Variants in PGBD2 observed in about 807,000 individuals in gnomAD.
PGBD2 encodes the protein piggyBac transposable element derived 2, also known as piggyBac transposable element-derived protein 2.
PGBD2 carries 6 observed loss-of-function variants against 8.1 expected under a neutral mutation model. That is an observed-to-expected ratio of 0.74 (90% CI 0.40 to 1.46). The LOEUF (loss-of-function observed/expected upper bound fraction) is 1.46. Among genes scored for constraint, PGBD2 ranks in the 40% most tolerant of loss-of-function variants. The pLI is 0.02. For synonymous variants in PGBD2, 318 were observed against 272.2 expected (o/e 1.17, Z -1.66); for missense variants, 802 against 739.0 (o/e 1.09, Z -0.99).
chr1:248,918,404 A>G lies in PGBD2; in HGVS notation c.*41A>G. ...TTCTTTGGTTTATAATGAGATGTTTACAGTTAAATACAGATGGCAGTTGAG... is the reference window on the plus strand; with the variant it reads ...TTCTTTGGTTTATAATGAGATGTTTGCAGTTAAATACAGATGGCAGTTGAG... On this transcript the variant is annotated 3_prime_UTR_variant, in exon 3 of 3. Coordinates refer to ENST00000329291, the MANE Select transcript of PGBD2 (RefSeq NM_170725.3). The G allele has an allele frequency of 6.7e-7, 1 of 1,500,528 alleles. No homozygotes were observed. The highest frequency in any genetic ancestry group is 8.9e-7 in the Non-Finnish European group (1 of 1,121,314). The allele number at this position is 1,500,528 out of a possible 1,614,324, so 93.0% of individuals were successfully genotyped here. A position where few individuals can be genotyped will look rare whatever the true frequency, so the allele number is the denominator to read the frequency against.
intron 2 of PGBD2, among the ~76,000 whole-genome samples, chr1:248,914,798 C>G (rs540458660): frequency 1.3e-5 from 2 of 152,218 alleles, no homozygotes; most frequent in Non-Finnish European, 2.9e-5. Flanking sequence ...GGCAGCTGAA[C>G]ACTGGAAGTC....
the PGBD2 span, among the ~76,000 whole-genome samples, chr1:248,900,839 A>T: frequency 6.6e-6 from 1 of 152,038 alleles, no homozygotes; most frequent in Admixed American, 6.6e-5. Flanking sequence ...TATCTAGAAA[A>T]CCCCATTGGG....
At chr1:248,911,290 G>A (rs527670363) in intron 1 of PGBD2, among the ~76,000 whole-genome samples, 1 of 151,222 alleles carries the variant, frequency 6.6e-6, no homozygotes, top group South Asian at 2.1e-4. Context: ...GTGTCCCTGG[G>A]TACTTGAGAT....
At chr1:248,926,618 A>G in the PGBD2 span, among the ~76,000 whole-genome samples, 2 of 152,196 alleles carry the variant, frequency 1.3e-5, no homozygotes, top group Non-Finnish European at 2.9e-5. Context: ...TTTGTTTGTT[A>G]TTACTCACTA....
At chr1:248,882,843 C>T in the PGBD2 span, among the ~76,000 whole-genome samples, 1 of 152,170 alleles carries the variant, frequency 6.6e-6, no homozygotes, top group Non-Finnish European at 1.5e-5. Flanking sequence ...TTACACAATC[C>T]TGCATGCAAT....
rs186767073 is a variant in PGBD2, at chr1:248,914,115, A to G, written c.17+236A>G. Among the ~76,000 whole-genome samples the G allele has an allele frequency of 6.6e-5, 10 of 152,334 alleles. No individual in the cohort carries two copies. In the East Asian group the frequency reaches 9.6e-4, roughly 15 times the overall value. ...TAATGTTTACACTCGATAGAAAACC[A>G]TGACTTCACTTTCCTCATCTTTCAA... On this transcript the variant is annotated intron_variant, in intron 2 of 2. Coordinates refer to ENST00000329291, the MANE Select transcript of PGBD2 (RefSeq NM_170725.3).
chr1:248,903,803 T>A (rs541062787), upstream of PGBD2, among the ~76,000 whole-genome samples: 2 of 152,316 alleles, frequency 1.3e-5, no homozygotes, highest in African/African-American at 4.8e-5. Context: ...TTCATGTATG[T>A]GACATTCTTA....
chr1:248,914,649 C>T (rs991354234), intron 2 of PGBD2: 85 of 1,242,706 alleles, frequency 6.8e-5, no homozygotes, highest in Non-Finnish European at 7.9e-5. Flanking sequence ...TGCAAAGGGG[C>T]ACAGGGAAGC....
intron 1 of PGBD2, among the ~76,000 whole-genome samples, chr1:248,909,163 C>T (rs1661772941): frequency 6.6e-6 from 1 of 152,078 alleles, no homozygotes; most frequent in African/African-American, 2.4e-5. Context: ...TTACCCATGT[C>T]CTCTTCCTCT....
At chr1:248,892,940 T>C in the PGBD2 span, among the ~76,000 whole-genome samples, 1 of 152,214 alleles carries the variant, frequency 6.6e-6, no homozygotes, top group Non-Finnish European at 1.5e-5. Flanking sequence ...TCTATATGCA[T>C]TGTCATACGT....
chr1:248,907,341 T>C (rs1403509048), intron 1 of PGBD2, among the ~76,000 whole-genome samples: 1 of 152,246 alleles, frequency 6.6e-6, no homozygotes, highest in South Asian at 2.1e-4. Flanking sequence ...GTTTTTCTCC[T>C]ATCTCAGAAT....
At chr1:248,876,030 C>T in the PGBD2 span, among the ~76,000 whole-genome samples, 5,175 of 146,892 alleles carry the variant, frequency 0.035, 291 homozygotes, top group African/African-American at 0.12. Flanking sequence ...TTCTTTGAGA[C>T]GGAGTTTTAC....
downstream of PGBD2, among the ~76,000 whole-genome samples, chr1:248,923,717 A>C (rs189296001): frequency 6.6e-6 from 1 of 152,244 alleles, no homozygotes; most frequent in Non-Finnish European, 1.5e-5. Flanking sequence ...CGTATGTGTT[A>C]AATTTGGCTT....
At position 248,918,315 on chromosome 1, in the gene PGBD2, C is replaced by T; in HGVS notation, c.1731C>T (p.Cys577=). 7.6e-6 allele frequency: 12 copies of T among 1,582,500 alleles called. No homozygotes were observed. The highest frequency in any genetic ancestry group is 1.2e-5 in the South Asian group (1 of 84,774). Residue 577 remains cysteine (C), a synonymous_variant, in exon 3 of 3, where the codon TGC becomes TGT. Coordinates refer to ENST00000329291, the MANE Select transcript of PGBD2 (RefSeq NM_170725.3). ...HSQTNTRCEK[C]QKGVHAKCFR... is the part of the protein sequence containing the mutation. ...AGACCAACACCCGGTGTGAGAAGTG[C>T]CAGAAGGGTGTCCATGCCAAATGCT...
the PGBD2 span, among the ~76,000 whole-genome samples, chr1:248,884,451 G>A: frequency 6.6e-6 from 1 of 151,952 alleles, no homozygotes; most frequent in Admixed American, 6.6e-5. Flanking sequence ...GGTTCAAGCA[G>A]TTCTCCTGCC....
In PGBD2 at chr1:248,918,294, C is replaced by A; in HGVS notation, c.1710C>A (p.Thr570=). ...RTRCALCHSQ[T]NTRCEKCQKG... ...GGTGTGCCCTCTGCCACTCACAGAC[C>A]AACACCCGGTGTGAGAAGTGCCAGA... Residue 570 remains threonine (T), a synonymous_variant, in exon 3 of 3, where the codon ACC becomes ACA. Transcript: ENST00000329291. The A allele has an allele frequency of 6.2e-6, 10 of 1,600,778 alleles. No individual in the cohort carries two copies. The highest frequency in any genetic ancestry group is 7.7e-6 in the Non-Finnish European group (9 of 1,173,088).
At chr1:248,874,229 T>C in the PGBD2 span, among the ~76,000 whole-genome samples, 13 of 152,188 alleles carry the variant, frequency 8.5e-5, no homozygotes, top group East Asian at 1.9e-4. Flanking sequence ...AGCATATTGC[T>C]AAATGACGCA....
the PGBD2 span, among the ~76,000 whole-genome samples, chr1:248,925,692 G>A: frequency 6.6e-6 from 1 of 151,432 alleles, no homozygotes; most frequent in South Asian, 2.1e-4. Context: ...TGAGACATCT[G>A]TGTTTTCTTA....
the PGBD2 span, among the ~76,000 whole-genome samples, chr1:248,874,394 C>T: frequency 6.6e-6 from 1 of 152,154 alleles, no homozygotes; most frequent in African/African-American, 2.4e-5. Context: ...GACTTGACTT[C>T]TAAACAAAGG....
Sources: gnomAD v4.1 joint callset for allele counts (sites outside exome capture counted in the v4.1 genomes callset) on GRCh38, gnomAD v4.1.1 for gene constraint, MANE v1.5 for transcripts, NCBI Gene and HGNC (gene_info 2026-07-23, HGNC 2026-07-21) for gene names.